SGPL1: variants seen among roughly 807,000 people sequenced by gnomAD.
The protein encoded by SGPL1 is sphingosine-1-phosphate lyase 1.
SGPL1 carries 37 observed loss-of-function variants against 68.9 expected under a neutral mutation model. The observed-to-expected ratio is 0.54, with a 90% CI of 0.41 to 0.71. SGPL1 has a LOEUF of 0.71. Ranked by LOEUF, SGPL1 falls within the 30% of genes least tolerant of loss-of-function variation. The pLI is 0.00. For missense variants in SGPL1, 551 were observed against 704.6 expected (o/e 0.78, Z 2.47); for synonymous variants, 236 against 248.5 (o/e 0.95, Z 0.47).
intron 2 of SGPL1, among the ~76,000 whole-genome samples, chr10:70,843,932 T>C (rs909747142): frequency 3.3e-5 from 5 of 152,224 alleles, no homozygotes; most frequent in South Asian, 2.1e-4. Flanking sequence ...AACACAGCCA[T>C]GTTCCTTTGT....
At chr10:70,843,622 G>A (rs185114102) in intron 2 of SGPL1, among the ~76,000 whole-genome samples, 154 of 152,264 alleles carry the variant, frequency 1.0e-3, no homozygotes, top group Non-Finnish European at 1.9e-3. Flanking sequence ...AGGAATTCTC[G>A]TGAATGAGAT....
intron 7 of SGPL1, among the ~76,000 whole-genome samples, chr10:70,863,582 C>A (rs1046803795): frequency 2.0e-5 from 3 of 152,006 alleles, no homozygotes; most frequent in Non-Finnish European, 4.4e-5. Context: ...TTCTCTTCTT[C>A]CAGAGAAGAT....
In SGPL1 at chr10:70,877,390, T is replaced by C; in HGVS notation, c.*55T>C. 6.3e-7 allele frequency: 1 copy of C among 1,584,038 alleles called. No homozygotes were observed. The highest frequency in any genetic ancestry group is 8.7e-7 in the Non-Finnish European group (1 of 1,153,258). On this transcript the variant is annotated 3_prime_UTR_variant, in exon 15 of 15. Transcript: ENST00000373202. The stretch of plus-strand genomic sequence containing the variant: ...TCCAGCCTTCAGAAGGTTCTTGGGA[T>C]ATGGAACAGGCCGTGCACAACTTTG...
intron 7 of SGPL1, chr10:70,860,472 G>T (rs1203270403): frequency 1.8e-4 from 82 of 460,464 alleles, no homozygotes; most frequent in Non-Finnish European, 2.2e-5. Flanking sequence ...AGTAATAAAG[G>T]TGATATGCCT....
chr10:70,836,000 G>A (rs1281475807), intron 2 of SGPL1, among the ~76,000 whole-genome samples: 1 of 152,158 alleles, frequency 6.6e-6, no homozygotes, highest in African/African-American at 2.4e-5. Context: ...ATGGAAGCCT[G>A]AGAAAACTGG....
chr10:70,863,378 A>G (rs768905653), intron 7 of SGPL1, among the ~76,000 whole-genome samples: 2 of 150,502 alleles, frequency 1.3e-5, no homozygotes, highest in South Asian at 2.1e-4. Context: ...AATATATTAC[A>G]CATAAATATG....
Position 70,877,436 on chromosome 10 carries a change from G to C in SGPL1, c.*101G>C, listed in dbSNP as rs556194771. 84 of 1,161,274 alleles carry C rather than the reference G, an allele frequency of 7.2e-5. No individual in the cohort carries two copies. The highest frequency in any genetic ancestry group is 1.0e-4 in the Non-Finnish European group (81 of 786,130). 71.9% of individuals were successfully genotyped at this position (1,161,274 alleles called of 1,614,324 possible). A position where few individuals can be genotyped will look rare whatever the true frequency, so the allele number is the denominator to read the frequency against. On this transcript the variant is annotated 3_prime_UTR_variant, in exon 15 of 15. Transcript: ENST00000373202. ...CTTTGACATCTGGTCTTGCTCCATA[G>C]AGCACAACTCAAGATAGACCATGAG... is the stretch of plus-strand genomic sequence containing the variant.
intron 2 of SGPL1, among the ~76,000 whole-genome samples, chr10:70,830,663 G>T (rs1397417787): frequency 6.6e-6 from 1 of 152,120 alleles, no homozygotes; most frequent in South Asian, 2.1e-4. Flanking sequence ...ATGCTTTATT[G>T]TAGAACAGAA....
At chr10:70,846,134 C>G (rs557606762) in intron 3 of SGPL1, among the ~76,000 whole-genome samples, 1 of 152,186 alleles carries the variant, frequency 6.6e-6, no homozygotes, top group African/African-American at 2.4e-5. Context: ...GTAGCTCACT[C>G]CAGCTTTAAA....
intron 2 of SGPL1, among the ~76,000 whole-genome samples, chr10:70,824,412 G>C (rs1213680304): frequency 1.3e-5 from 2 of 152,204 alleles, no homozygotes; most frequent in African/African-American, 4.8e-5. Flanking sequence ...GCAACCAAGT[G>C]ATTAGCGACC....
At chr10:70,846,492 A>G (rs777691732) in intron 3 of SGPL1, among the ~76,000 whole-genome samples, 7 of 152,206 alleles carry the variant, frequency 4.6e-5, no homozygotes, top group Non-Finnish European at 7.3e-5. Flanking sequence ...GTCCTGTGGC[A>G]GTAAGTACGT....
chr10:70,825,401 A>G (rs1845415085), intron 2 of SGPL1, among the ~76,000 whole-genome samples: 1 of 152,132 alleles, frequency 6.6e-6, no homozygotes, highest in African/African-American at 2.4e-5. Context: ...CTGGAGGAGG[A>G]GATCATCTGG....
At chr10:70,824,080 A>G (rs1213558086) in intron 2 of SGPL1, among the ~76,000 whole-genome samples, 1 of 152,228 alleles carries the variant, frequency 6.6e-6, no homozygotes, top group Non-Finnish European at 1.5e-5. Flanking sequence ...ATATATCCCA[A>G]GCAGAATCTG....
intron 7 of SGPL1, among the ~76,000 whole-genome samples, chr10:70,867,968 T>C (rs1013332585): frequency 6.6e-6 from 1 of 152,238 alleles, no homozygotes; most frequent in African/African-American, 2.4e-5. Context: ...TTTCACATTC[T>C]TTAACAGGTA....
intron 2 of SGPL1, among the ~76,000 whole-genome samples, chr10:70,817,788 A>G (rs966774138): frequency 1.3e-5 from 2 of 152,214 alleles, no homozygotes; most frequent in Non-Finnish European, 2.9e-5. Flanking sequence ...TTAGAGATGA[A>G]TAAACACCTA....
At chr10:70,853,202 T>C (rs1845914392) in intron 4 of SGPL1, among the ~76,000 whole-genome samples, 1 of 152,232 alleles carries the variant, frequency 6.6e-6, no homozygotes, top group African/African-American at 2.4e-5. Flanking sequence ...GAGTGTAGCC[T>C]CTGCTCCCTG....
chr10:70,860,994 G>C (rs1302068590), intron 7 of SGPL1, among the ~76,000 whole-genome samples: 1 of 150,784 alleles, frequency 6.6e-6, no homozygotes, highest in Non-Finnish European at 1.5e-5. Flanking sequence ...CCATTTACAT[G>C]ACCCAAGTAA....
intron 14 of SGPL1, among the ~76,000 whole-genome samples, chr10:70,876,866 T>C (rs527473739): frequency 6.6e-6 from 1 of 152,336 alleles, no homozygotes; most frequent in South Asian, 2.1e-4. Flanking sequence ...ATAAAGTACC[T>C]TGTAAGTTAG....
chr10:70,857,357 T>C (rs1455145677), intron 5 of SGPL1: 9 of 392,584 alleles, frequency 2.3e-5, no homozygotes, highest in Non-Finnish European at 3.8e-5. Flanking sequence ...ACAACATTAT[T>C]ATCAGATTGC....
Sources: gnomAD v4.1 joint callset for allele counts (sites outside exome capture counted in the v4.1 genomes callset) on GRCh38, gnomAD v4.1.1 for gene constraint, MANE v1.5 for transcripts, NCBI Gene and HGNC (gene_info 2026-07-23, HGNC 2026-07-21) for gene names.